Variants in DPP10 observed in about 807,000 individuals in gnomAD.
DPP10 encodes inactive dipeptidyl peptidase 10.
A neutral mutation model predicts 120.9 loss-of-function variants in DPP10; 33 were observed. The ratio of observed to expected loss-of-function variants is 0.27; its 90% CI spans 0.21 to 0.37. The LOEUF is 0.37. DPP10 is among the 10% of genes least tolerant of loss of function. DPP10 has a pLI of 1.00. For missense variants in DPP10, 816 were observed against 942.8 expected, an observed-to-expected ratio of 0.87 and a Z score of 1.76; for synonymous variants, 337 against 326.1, an observed-to-expected ratio of 1.03 and a Z score of -0.36.
At chr2:115,598,818 T>TG (rs939411789) in intron 5 of DPP10, among the ~76,000 whole-genome samples, 2 of 151,196 alleles carry the variant, frequency 1.3e-5, no homozygotes, top group Admixed American at 1.3e-4. Flanking sequence ...AAGAGCTTTT[T>TG]TTTTTTTCAT....
At chr2:115,046,895 A>G (rs1464482069) in intron 1 of DPP10, among the ~76,000 whole-genome samples, 1 of 152,088 alleles carries the variant, frequency 6.6e-6, no homozygotes, top group East Asian at 1.9e-4. Flanking sequence ...CAGAATTACC[A>G]TTTCCTAAAC....
chr2:114,814,198 A>ACCAAAATTTGATACC (rs1444924059), intron 1 of DPP10, among the ~76,000 whole-genome samples: 2 of 152,172 alleles, frequency 1.3e-5, no homozygotes, highest in Non-Finnish European at 2.9e-5. Flanking sequence ...AATTAAAAGT[A>ACCAAAATTTGATACC]AGTTTTGGTT....
At chr2:114,837,573 G>A (rs1440956658) in intron 1 of DPP10, among the ~76,000 whole-genome samples, 1 of 151,598 alleles carries the variant, frequency 6.6e-6, no homozygotes, top group Non-Finnish European at 1.5e-5. Context: ...TGGAAACCCT[G>A]TTCTCTGTCA....
chr2:115,501,151 A>G (rs867124375), intron 4 of DPP10, among the ~76,000 whole-genome samples: 66 of 152,150 alleles, frequency 4.3e-4, no homozygotes, highest in African/African-American at 1.4e-3. Flanking sequence ...GTAGCCAAGC[A>G]TTCAGGTTAG....
intron 1 of DPP10, among the ~76,000 whole-genome samples, chr2:114,748,367 T>C (rs1053309564): frequency 7.3e-5 from 7 of 96,236 alleles, no homozygotes; most frequent in African/African-American, 3.5e-4. Context: ...TTTTATTTTA[T>C]TTATTTATTT....
intron 19 of DPP10, among the ~76,000 whole-genome samples, chr2:115,800,074 C>G (rs1271083915): frequency 6.6e-6 from 1 of 150,752 alleles, no homozygotes; most frequent in East Asian, 1.9e-4. Context: ...GTTCCTATTT[C>G]TCCACATCCT....
At chr2:115,098,499 C>G (rs567303902) in intron 1 of DPP10, among the ~76,000 whole-genome samples, 5 of 152,128 alleles carry the variant, frequency 3.3e-5, no homozygotes, top group African/African-American at 7.2e-5. Flanking sequence ...TCCTGGGCTA[C>G]AAACCTGTAC....
intron 2 of DPP10, among the ~76,000 whole-genome samples, chr2:115,340,356 G>A (rs2063383616): frequency 1.3e-5 from 2 of 151,926 alleles, no homozygotes; most frequent in Non-Finnish European, 2.9e-5. Context: ...AATTGGAAGG[G>A]CAAAGGACTT....
chr2:114,731,390 T>C (rs1160808500), intron 1 of DPP10, among the ~76,000 whole-genome samples: 1 of 152,190 alleles, frequency 6.6e-6, no homozygotes, highest in Non-Finnish European at 1.5e-5. Context: ...TTTCTTTTAA[T>C]TTGGTTTCAA....
At chr2:115,103,747 C>A (rs996947656) in intron 1 of DPP10, among the ~76,000 whole-genome samples, 1 of 152,300 alleles carries the variant, frequency 6.6e-6, no homozygotes, top group Middle Eastern at 3.4e-3. Flanking sequence ...ATTCCCTCTA[C>A]CTAGAATAGT....
chr2:115,692,021 G>A (rs1462479730), intron 7 of DPP10, among the ~76,000 whole-genome samples: 1 of 151,900 alleles, frequency 6.6e-6, no homozygotes, highest in Non-Finnish European at 1.5e-5. Context: ...ATTCTGTGTA[G>A]ACTATTATGC....
intron 1 of DPP10, among the ~76,000 whole-genome samples, chr2:115,300,710 A>T (rs1419835166): frequency 1.3e-5 from 2 of 151,970 alleles, no homozygotes; most frequent in East Asian, 3.9e-4. Flanking sequence ...AAATACTCTC[A>T]GTTTTCTCAT....
chr2:115,696,590 G>T (rs911155763), intron 7 of DPP10, among the ~76,000 whole-genome samples: 1 of 152,154 alleles, frequency 6.6e-6, no homozygotes, highest in Non-Finnish European at 1.5e-5. Flanking sequence ...CACTAGACCT[G>T]CCCTGCAAGA....
At chr2:115,379,797 C>T (rs1416228726) in intron 3 of DPP10, among the ~76,000 whole-genome samples, 1 of 152,158 alleles carries the variant, frequency 6.6e-6, no homozygotes, top group Non-Finnish European at 1.5e-5. Context: ...TTTCTGCCTT[C>T]ATTTCATTAT....
chr2:115,796,545 T>A (rs1435134243), intron 19 of DPP10, among the ~76,000 whole-genome samples: 3 of 152,162 alleles, frequency 2.0e-5, no homozygotes, highest in African/African-American at 7.2e-5. Context: ...TTATAATTGA[T>A]TTCTGTATGG....
At chr2:114,519,413 T>C (rs1285587782) in intron 1 of DPP10, among the ~76,000 whole-genome samples, 1 of 152,256 alleles carries the variant, frequency 6.6e-6, no homozygotes, top group Non-Finnish European at 1.5e-5. Context: ...AGCTATCCTT[T>C]GGCCAGTGCC....
intron 1 of DPP10, among the ~76,000 whole-genome samples, chr2:114,795,269 G>A (rs1274499481): frequency 2.0e-5 from 3 of 151,922 alleles, no homozygotes; most frequent in Non-Finnish European, 4.4e-5. Context: ...GGGAGGCTGA[G>A]GTGGAGAGTT....
At chr2:115,142,262 T>C (rs1168041460) in intron 1 of DPP10, among the ~76,000 whole-genome samples, 2 of 152,192 alleles carry the variant, frequency 1.3e-5, no homozygotes, top group African/African-American at 4.8e-5. Flanking sequence ...CACTGCTTTT[T>C]TGCAGTGATC....
chr2:114,474,464 C>G (rs201402767), intron 1 of DPP10, among the ~76,000 whole-genome samples: 2 of 152,106 alleles, frequency 1.3e-5, no homozygotes, highest in East Asian at 3.9e-4. Context: ...AAAATGTGCC[C>G]AGTGTGGGGA....
Sources: allele counts gnomAD v4.1 joint callset (sites outside exome capture counted in the v4.1 genomes callset), GRCh38; gene constraint gnomAD v4.1.1; transcripts MANE v1.5; gene names NCBI Gene and HGNC (gene_info 2026-07-23, HGNC 2026-07-21).